EVC2: variants seen among roughly 807,000 people sequenced by gnomAD.
The protein encoded by EVC2 is limbin.
A neutral mutation model predicts 149.3 loss-of-function variants in EVC2; 148 were observed. That is an observed-to-expected ratio of 0.99 (90% CI 0.87 to 1.14). The LOEUF (loss-of-function observed/expected upper bound fraction) is 1.14. EVC2 is among the 50% of genes most tolerant of loss of function. The pLI is 0.00. For missense variants in EVC2, 1,854 were observed against 1,627.3 expected (o/e 1.14, Z -2.40); for synonymous variants, 776 against 649.9 (o/e 1.19, Z -2.95).
intron 1 of EVC2, among the ~76,000 whole-genome samples, chr4:5,703,287 A>G (rs1359184804): frequency 1.3e-5 from 2 of 152,176 alleles, no homozygotes; most frequent in Admixed American, 1.3e-4. Flanking sequence ...TCTTATCATC[A>G]CCATCATCAT....
intron 16 of EVC2, among the ~76,000 whole-genome samples, chr4:5,597,013 A>G (rs1713486326): frequency 1.3e-5 from 2 of 152,362 alleles, no homozygotes; most frequent in South Asian, 4.1e-4. Flanking sequence ...AGACTAAACC[A>G]GGAAGAAGCT....
chr4:5,545,162 T>C (rs73070489), intron 21 of EVC2, among the ~76,000 whole-genome samples: 381 of 152,300 alleles, frequency 2.5e-3, no homozygotes, highest in African/African-American at 7.6e-3. Context: ...CCCATGTAGA[T>C]AGTGAGCTCC....
intron 7 of EVC2, among the ~76,000 whole-genome samples, chr4:5,671,048 T>C (rs1423243609): frequency 6.6e-6 from 1 of 152,240 alleles, no homozygotes; most frequent in Non-Finnish European, 1.5e-5. Context: ...ATTATGCAGA[T>C]ACTAAGCACC....
intron 9 of EVC2, among the ~76,000 whole-genome samples, chr4:5,653,348 C>A (rs1026922257): frequency 1.1e-4 from 17 of 152,214 alleles, no homozygotes; most frequent in African/African-American, 3.9e-4. Context: ...ATGACAACAT[C>A]CAACTAGAAA....
At chr4:5,534,392 T>C in the EVC2 span, among the ~76,000 whole-genome samples, 9 of 152,100 alleles carry the variant, frequency 5.9e-5, no homozygotes, top group African/African-American at 2.2e-4. Context: ...GATGGATGGA[T>C]AGATAGATGA....
chr4:5,638,595 G>A, intron 10 of EVC2, among the ~76,000 whole-genome samples: 1 of 151,910 alleles, frequency 6.6e-6, no homozygotes, highest in East Asian at 1.9e-4. Context: ...TGGACTGAAT[G>A]GTGACACTCC....
intron 17 of EVC2, among the ~76,000 whole-genome samples, chr4:5,578,238 C>CT (rs982260760): frequency 1.9e-5 from 2 of 107,770 alleles, no homozygotes; most frequent in African/African-American, 1.1e-4. Context: ...GTTCTCCTTT[C>CT]TCCCAGCAGT....
In EVC2 at chr4:5,568,644, C is replaced by A. The variant is rs1378260553; in HGVS notation, c.3361-4G>T. 1.9e-6 allele frequency: 3 copies of A among 1,605,974 alleles called. No individual in the cohort carries two copies. Among genetic ancestry groups the A allele is most frequent in the East Asian group, 4.5e-5 (2 of 44,834 alleles). ...GGTACGATGCCAGTCTCAGCTCCTA[C>A]AGGAAACAACAGAGGGAGTTCAGAC... is the stretch of plus-strand genomic sequence containing the variant. On this transcript the variant is annotated splice_region_variant and splice_polypyrimidine_tract_variant and intron_variant, in intron 19 of 21. Coordinates refer to ENST00000344408, the MANE Select transcript of EVC2 (RefSeq NM_147127.5).
chr4:5,581,307 C>T (rs1239436553), intron 17 of EVC2, among the ~76,000 whole-genome samples: 7 of 152,108 alleles, frequency 4.6e-5, no homozygotes, highest in South Asian at 4.1e-4. Context: ...CAGAAGAAGA[C>T]ACAAAGATGA....
At chr4:5,604,628 A>G (rs1339238355) in intron 16 of EVC2, among the ~76,000 whole-genome samples, 3 of 152,186 alleles carry the variant, frequency 2.0e-5, no homozygotes, top group Non-Finnish European at 4.4e-5. Context: ...ATAGTGTTCA[A>G]CAGCAGATTA....
At chr4:5,616,414 C>T (rs1342259776) in intron 15 of EVC2, among the ~76,000 whole-genome samples, 3 of 140,990 alleles carry the variant, frequency 2.1e-5, no homozygotes, top group Admixed American at 1.3e-4. Context: ...GGGCCACCAG[C>T]AGATGAGGTC....
At chr4:5,666,063 C>T (rs1349601791) in intron 7 of EVC2, among the ~76,000 whole-genome samples, 1 of 152,084 alleles carries the variant, frequency 6.6e-6, no homozygotes, top group South Asian at 2.1e-4. Flanking sequence ...CTCACCTTCC[C>T]GCTACCCTCT....
At chr4:5,575,306 G>A (rs775333016) in intron 18 of EVC2, among the ~76,000 whole-genome samples, 3 of 152,198 alleles carry the variant, frequency 2.0e-5, no homozygotes, top group Non-Finnish European at 4.4e-5. Context: ...TTCTGCAAGT[G>A]CAACTCAAAT....
At chr4:5,624,145 C>T (rs1046978976) in intron 13 of EVC2, among the ~76,000 whole-genome samples, 1 of 152,084 alleles carries the variant, frequency 6.6e-6, no homozygotes. Context: ...GGGAAAGAAC[C>T]TGCCTGGGAG....
intron 16 of EVC2, among the ~76,000 whole-genome samples, chr4:5,592,268 G>A (rs1338109527): frequency 1.3e-5 from 2 of 152,222 alleles, no homozygotes; most frequent in Admixed American, 6.5e-5. Context: ...CAGGAATGCT[G>A]GCTCCCAGAG....
At chr4:5,651,577 A>C (rs1267660179) in intron 9 of EVC2, among the ~76,000 whole-genome samples, 1 of 152,218 alleles carries the variant, frequency 6.6e-6, no homozygotes, top group Non-Finnish European at 1.5e-5. Context: ...TTATTTGGAA[A>C]GGCAAAGTGT....
At chr4:5,532,092 C>T in the EVC2 span, among the ~76,000 whole-genome samples, 8 of 151,900 alleles carry the variant, frequency 5.3e-5, no homozygotes, top group South Asian at 2.1e-4. Flanking sequence ...TCCACAGATC[C>T]GGAACCATGG....
At chr4:5,596,456 C>T (rs559928439) in intron 16 of EVC2, among the ~76,000 whole-genome samples, 2 of 152,264 alleles carry the variant, frequency 1.3e-5, no homozygotes, top group African/African-American at 4.8e-5. Context: ...GAACAACCTG[C>T]TCCTGAATGA....
At chr4:5,687,210 T>A (rs1720778749) in intron 5 of EVC2, among the ~76,000 whole-genome samples, 1 of 152,084 alleles carries the variant, frequency 6.6e-6, no homozygotes, top group African/African-American at 2.4e-5. Context: ...TGAGCCGAGA[T>A]TGTGCCACTG....
Sources: allele counts gnomAD v4.1 joint callset (sites outside exome capture counted in the v4.1 genomes callset), GRCh38; gene constraint gnomAD v4.1.1; transcripts MANE v1.5; gene names NCBI Gene and HGNC (gene_info 2026-07-23, HGNC 2026-07-21).